The following TPTE variants were observed in gnomAD, a reference collection of about 807,000 sequenced individuals.
TPTE encodes the protein putative tyrosine-protein phosphatase TPTE.
TPTE carries 59 observed loss-of-function variants against 84.1 expected under a neutral mutation model. The ratio of observed to expected loss-of-function variants is 0.70; its 90% CI spans 0.57 to 0.87. The LOEUF is 0.87. Ranked by LOEUF, TPTE falls within the 40% of genes least tolerant of loss-of-function variation. The probability of loss-of-function intolerance (pLI) is 0.00; values close to 1 mark genes in which losing one functional copy is unlikely to be tolerated. For synonymous variants in TPTE, 130 were observed against 223.5 expected, an observed-to-expected ratio of 0.58 and a Z score of 3.73; for missense variants, 382 against 659.6, an observed-to-expected ratio of 0.58 and a Z score of 4.61.
intron 14 of TPTE, among the ~76,000 whole-genome samples, chr21:10,575,047 G>A (rs1410553585): frequency 6.6e-6 from 1 of 152,308 alleles, no homozygotes; most frequent in Non-Finnish European, 1.5e-5. Flanking sequence ...AAGACCCACT[G>A]GCTTGGAATC....
intron 1 of TPTE, among the ~76,000 whole-genome samples, chr21:10,523,270 C>A (rs1251303251): frequency 6.6e-6 from 1 of 152,306 alleles, no homozygotes; most frequent in Non-Finnish European, 1.5e-5. Context: ...TCTCCCTCAT[C>A]TTTAATGAGT....
At chr21:10,560,014 T>G (rs1304454981) in intron 9 of TPTE, among the ~76,000 whole-genome samples, 1 of 152,306 alleles carries the variant, frequency 6.6e-6, no homozygotes, top group African/African-American at 2.4e-5. Context: ...GTCCATCAGT[T>G]GCTAAGTAGC....
rs1181045969 is a variant in TPTE at position 10,538,665 on chromosome 21, T to G, written c.-43-16T>G. On this transcript the variant is annotated splice_polypyrimidine_tract_variant and intron_variant, in intron 3 of 23. Transcript: ENST00000618007. The stretch of plus-strand genomic sequence containing the variant: ...TTGTGTCTCCTGTCTGACTATATTC[T>G]TTTGACATCCTCTAGTCCACCCACA... 9.9e-6 allele frequency: 16 copies of G among 1,613,902 alleles called. No individual in the cohort carries two copies. Among genetic ancestry groups the G allele is most frequent in the Non-Finnish European group, 1.4e-5 (16 of 1,179,846 alleles).
intron 17 of TPTE, among the ~76,000 whole-genome samples, chr21:10,590,229 G>A (rs1483950178): frequency 6.6e-6 from 1 of 152,306 alleles, no homozygotes; most frequent in Non-Finnish European, 1.5e-5. Context: ...GTGTCCTTTT[G>A]TGGAGAGATG....
intron 3 of TPTE, among the ~76,000 whole-genome samples, chr21:10,528,453 T>C (rs535570725): frequency 6.2e-4 from 95 of 152,384 alleles, no homozygotes; most frequent in African/African-American, 2.1e-3. Context: ...GTAAGCTAAG[T>C]CATATTTACC....
chr21:10,551,546 A>C (rs1310714146), intron 7 of TPTE, among the ~76,000 whole-genome samples: 2 of 152,306 alleles, frequency 1.3e-5, no homozygotes, highest in African/African-American at 4.8e-5. Flanking sequence ...AGAACAAACC[A>C]AACCCCAAAT....
At chr21:10,562,257 A>G (rs1320406589) in intron 10 of TPTE, among the ~76,000 whole-genome samples, 2 of 152,310 alleles carry the variant, frequency 1.3e-5, no homozygotes, top group East Asian at 1.9e-4. Context: ...AAGCCTTCCC[A>G]AGAAAGATGG....
intron 17 of TPTE, among the ~76,000 whole-genome samples, chr21:10,583,234 C>A (rs1028354923): frequency 1.3e-5 from 2 of 152,310 alleles, no homozygotes; most frequent in Non-Finnish European, 2.9e-5. Flanking sequence ...CATATCTTCC[C>A]CAATACTTGC....
intron 8 of TPTE, among the ~76,000 whole-genome samples, chr21:10,556,417 C>T (rs572420127): frequency 6.6e-6 from 1 of 152,424 alleles, no homozygotes; most frequent in South Asian, 2.1e-4. Context: ...GTATATGTGC[C>T]ACATTTTCTT....
chr21:10,577,708 C>T (rs542226026), intron 15 of TPTE, among the ~76,000 whole-genome samples, 188 bp downstream of exon 15: 27 of 152,382 alleles, frequency 1.8e-4, no homozygotes, highest in Admixed American at 5.9e-4. Flanking sequence ...CACAAAGTAC[C>T]GTATGAAGGA....
intron 14 of TPTE, among the ~76,000 whole-genome samples, chr21:10,572,021 T>A (rs1419458274): frequency 1.3e-5 from 2 of 148,352 alleles, no homozygotes; most frequent in East Asian, 2.0e-4. Context: ...AAAAAAAAAA[T>A]ACAATCAAGA....
At chr21:10,588,057 C>T (rs2075398880) in intron 17 of TPTE, among the ~76,000 whole-genome samples, 1 of 152,312 alleles carries the variant, frequency 6.6e-6, no homozygotes, top group Non-Finnish European at 1.5e-5. Flanking sequence ...CTATGTTGGC[C>T]AGGCTGGTCT....
chr21:10,585,241 C>CAA (rs61644136), intron 17 of TPTE, among the ~76,000 whole-genome samples: 100 of 144,138 alleles, frequency 6.9e-4, no homozygotes, highest in East Asian at 3.8e-3. Flanking sequence ...AAAAATGAAA[C>CAA]AAAAAAAAAA....
chr21:10,564,992 C>G (rs1348357535), intron 10 of TPTE, among the ~76,000 whole-genome samples: 2 of 152,306 alleles, frequency 1.3e-5, no homozygotes, highest in Non-Finnish European at 2.9e-5. Flanking sequence ...TACCGGAAGT[C>G]CTAGCTAGAG....
intron 14 of TPTE, among the ~76,000 whole-genome samples, chr21:10,571,368 C>T (rs2145710046): frequency 6.6e-6 from 1 of 152,428 alleles, no homozygotes; most frequent in East Asian, 1.9e-4. Context: ...AAAAGTATTT[C>T]TCTGTGAAAG....
Position 10,569,860 on chromosome 21 carries a change from A to T in TPTE, c.730+114A>T, listed in dbSNP as rs1268851267. 3.7e-6 allele frequency: 6 copies of T among 1,604,534 alleles called. No individual in the cohort carries two copies. The Admixed American group carries it at 5.0e-5, about 13-fold the overall frequency. On this transcript the variant is annotated intron_variant, in intron 13 of 23. Transcript: ENST00000618007. ...TTCAAAATATTCTTTATTCATGAGG[A>T]TATATGCTACTGTGATAGTGTGACA...
At chr21:10,593,106 C>A (rs73151812) in intron 19 of TPTE, among the ~76,000 whole-genome samples, 1 of 151,876 alleles carries the variant, frequency 6.6e-6, no homozygotes, top group South Asian at 2.1e-4. Flanking sequence ...TTTCAGCTGG[C>A]GCCAGTCACA....
At chr21:10,562,772 A>G (rs893950460) in intron 10 of TPTE, among the ~76,000 whole-genome samples, 7 of 152,424 alleles carry the variant, frequency 4.6e-5, no homozygotes, top group Admixed American at 1.3e-4. Context: ...GATCTAGAAA[A>G]TAGCCTCAAA....
intron 23 of TPTE, among the ~76,000 whole-genome samples, chr21:10,604,859 C>T (rs1205153725): frequency 1.3e-5 from 2 of 152,304 alleles, no homozygotes; most frequent in African/African-American, 4.8e-5. Context: ...TTACATCCTA[C>T]TTGGTAAAGC....
Sources: gnomAD v4.1 joint callset for allele counts (sites outside exome capture counted in the v4.1 genomes callset) on GRCh38, gnomAD v4.1.1 for gene constraint, MANE v1.5 for transcripts, NCBI Gene and HGNC (gene_info 2026-07-23, HGNC 2026-07-21) for gene names.